Variants in TMEM219 observed in about 807,000 individuals in gnomAD.
TMEM219 encodes the protein transmembrane protein 219.
TMEM219 carries 18 observed loss-of-function variants against 17.9 expected under a neutral mutation model. The ratio of observed to expected loss-of-function variants is 1.01; its 90% CI spans 0.70 to 1.49. The LOEUF is 1.49. TMEM219 is among the 40% of genes most tolerant of loss of function. The probability of loss-of-function intolerance (pLI) is 0.00; values close to 1 mark genes in which losing one functional copy is unlikely to be tolerated. For missense variants in TMEM219, 288 were observed against 292.4 expected, an observed-to-expected ratio of 0.99 and a Z score of 0.11; for synonymous variants, 113 against 124.0, an observed-to-expected ratio of 0.91 and a Z score of 0.59.
At chr16:29,965,067 T>C (rs1278939012) in intron 3 of TMEM219, among the ~76,000 whole-genome samples, 2 of 152,158 alleles carry the variant, frequency 1.3e-5, no homozygotes, top group African/African-American at 4.8e-5. Flanking sequence ...TATAGTCTTC[T>C]GGGAAAATGA....
At chr16:29,964,662 G>A (rs556569771) in intron 3 of TMEM219, among the ~76,000 whole-genome samples, 4 of 142,804 alleles carry the variant, frequency 2.8e-5, no homozygotes, top group Non-Finnish European at 4.6e-5. Flanking sequence ...GTCCCGCCCC[G>A]CGCCCCCCCC....
At chr16:29,971,740 T>G in intron 5 of TMEM219, 162 bp downstream of exon 5, 1 of 542,118 alleles carries the variant, frequency 1.8e-6, no homozygotes, top group Non-Finnish European at 3.1e-6. Context: ...TGGGAACAAT[T>G]TGACACCGTC....
intron 3 of TMEM219, among the ~76,000 whole-genome samples, chr16:29,967,543 T>G (rs1338938417): frequency 1.3e-5 from 2 of 152,090 alleles, no homozygotes; most frequent in Non-Finnish European, 2.9e-5. Context: ...CCTAGGAGGT[T>G]GAGGCTCCCG....
Position 29,963,219 on chromosome 16 carries a change from A to G in TMEM219, c.76A>G (p.Ile26Val). Residue 26 changes from isoleucine to valine, a missense_variant, in exon 2 of 6, where the codon ATC becomes GTC. By Grantham distance (29) the Ile-to-Val change is conservative (BLOSUM62 3). Coordinates refer to ENST00000279396, the MANE Select transcript of TMEM219 (RefSeq NM_001083613.2). ...CCCACCTCTGGTCTGTGCCACTTTG[A>G]TCCTGCTGCTCCTTGGCCTCTCTGG... ...HHPPLVCATL[I>V]LLLLGLSGLG... 2 of 1,613,906 alleles carry G rather than the reference A, an allele frequency of 1.2e-6. No homozygotes were observed. Among genetic ancestry groups the G allele is most frequent in the Non-Finnish European group, 1.7e-6 (2 of 1,180,030 alleles).
chr16:29,970,498 G>C (rs1296198680), intron 4 of TMEM219, among the ~76,000 whole-genome samples: 1 of 151,626 alleles, frequency 6.6e-6, no homozygotes, highest in African/African-American at 2.4e-5. Context: ...CTAAGTTTTT[G>C]TATTTTTAGT....
At chr16:29,965,957 G>C (rs1161474747) in intron 3 of TMEM219, among the ~76,000 whole-genome samples, 1 of 152,112 alleles carries the variant, frequency 6.6e-6, no homozygotes, top group Non-Finnish European at 1.5e-5. Context: ...GGCTGGTCTT[G>C]AACTCCTGAC....
chr16:29,967,567 T>C (rs2069226852), intron 3 of TMEM219, among the ~76,000 whole-genome samples: 1 of 152,074 alleles, frequency 6.6e-6, no homozygotes, highest in African/African-American at 2.4e-5. Flanking sequence ...GCTGGGATCG[T>C]GCCACTGCAC....
intron 3 of TMEM219, among the ~76,000 whole-genome samples, chr16:29,965,372 A>G (rs1403819234): frequency 6.6e-6 from 1 of 152,148 alleles, no homozygotes; most frequent in Non-Finnish European, 1.5e-5. Context: ...AAATAGATAT[A>G]TAATAGTTTT....
chr16:29,970,197 GCAC>G, intron 4 of TMEM219, among the ~76,000 whole-genome samples: 1 of 151,838 alleles, frequency 6.6e-6, no homozygotes, highest in Non-Finnish European at 1.5e-5. Context: ...TCATGCCACT[GCAC>G]TCCAGCCTGG....
chr16:29,963,882 C>CAAAA lies in TMEM219; in HGVS notation c.355+310_355+313dup, dbSNP rs34734372. ...TGGGTGACAGAGCAAGACTCTGTCT[C>CAAAA]AAAAAAAAAAAAAAAAAAAATCAGG... On this transcript the variant is annotated intron_variant, in intron 3 of 5. Transcript: ENST00000279396. Among the ~76,000 whole-genome samples the CAAAA allele has an allele frequency of 3.0e-3, 233 of 78,254 alleles. 6 individuals are homozygous for CAAAA. The highest frequency in any genetic ancestry group is 7.1e-3 in the South Asian group (15 of 2,120). 51.3% of individuals were successfully genotyped at this position (78,254 alleles called of 152,430 possible). A position where few individuals can be genotyped will look rare whatever the true frequency, so the allele number is the denominator to read the frequency against.
At chr16:29,962,939 T>C (rs766124685) in intron 1 of TMEM219, 168 bp from the exon 2 acceptor site, 11 of 641,546 alleles carry the variant, frequency 1.7e-5, no homozygotes, top group Non-Finnish European at 3.0e-5. Flanking sequence ...AGCAAATATT[T>C]ATCCAGCAGT....
chr16:29,965,830 A>G (rs1295759888), intron 3 of TMEM219, among the ~76,000 whole-genome samples: 5 of 152,116 alleles, frequency 3.3e-5, no homozygotes, highest in Admixed American at 2.6e-4. Flanking sequence ...TCTGCCTCCC[A>G]GTTTCAGGAG....
At chr16:29,968,000 A>C in intron 3 of TMEM219, 25 bp from the exon 4 acceptor site, 1 of 1,576,378 alleles carries the variant, frequency 6.3e-7, no homozygotes, top group Non-Finnish European at 8.7e-7. Context: ...ATTTTCTTCC[A>C]TTTTCTCTTC....
chr16:29,967,376 G>A (rs2069224613), intron 3 of TMEM219, among the ~76,000 whole-genome samples: 1 of 152,130 alleles, frequency 6.6e-6, no homozygotes, highest in Non-Finnish European at 1.5e-5. Context: ...TGGGAGGTCA[G>A]GGTAGCAGGA....
intron 4 of TMEM219, 165 bp downstream of exon 4, chr16:29,968,419 C>T (rs1267752101): frequency 5.1e-6 from 3 of 584,774 alleles, no homozygotes; most frequent in Non-Finnish European, 9.1e-6. Context: ...CTCTGAGTGT[C>T]AGCATCCTCA....
At chr16:29,962,861 C>A (rs968754640) in intron 1 of TMEM219, 5 of 440,676 alleles carry the variant, frequency 1.1e-5, no homozygotes, top group African/African-American at 9.9e-5. Flanking sequence ...GTCTCCCTTT[C>A]AGTTTCCTTC....
At chr16:29,966,059 G>A (rs1296740249) in intron 3 of TMEM219, among the ~76,000 whole-genome samples, 1 of 152,000 alleles carries the variant, frequency 6.6e-6, no homozygotes, top group Non-Finnish European at 1.5e-5. Context: ...TTATAGAGAT[G>A]TGGTCTCACT....
chr16:29,969,640 C>T (rs1178648101), intron 4 of TMEM219, among the ~76,000 whole-genome samples: 1 of 151,818 alleles, frequency 6.6e-6, no homozygotes, highest in African/African-American at 2.4e-5. Context: ...GATTGTGCCA[C>T]TGCACTCCAG....
At chr16:29,970,481 T>C (rs1009389179) in intron 4 of TMEM219, among the ~76,000 whole-genome samples, 2 of 151,568 alleles carry the variant, frequency 1.3e-5, no homozygotes, top group Non-Finnish European at 2.9e-5. Context: ...CCCGCCACCA[T>C]GCCCGGCTAA....
Sources: allele counts gnomAD v4.1 joint callset (sites outside exome capture counted in the v4.1 genomes callset), GRCh38; gene constraint gnomAD v4.1.1; transcripts MANE v1.5; gene names NCBI Gene and HGNC (gene_info 2026-07-23, HGNC 2026-07-21).